The following SLC25A33 variants were observed in gnomAD, a reference collection of about 807,000 sequenced individuals.
SLC25A33 encodes the protein bone marrow stromal cell mitochondrial carrier protein.
SLC25A33 carries 15 observed loss-of-function variants against 35.5 expected under a neutral mutation model. That is an observed-to-expected ratio of 0.42 (90% CI 0.28 to 0.65). SLC25A33 has a LOEUF of 0.65. Among genes scored for constraint, SLC25A33 ranks in the 30% least tolerant of loss-of-function variants. SLC25A33 has a pLI of 0.20. For synonymous variants in SLC25A33, 136 were observed against 148.7 expected (o/e 0.91, Z 0.62); for missense variants, 257 against 398.5 (o/e 0.64, Z 3.02).
chr1:9,564,857 A>G (rs2100395912), intron 2 of SLC25A33, among the ~76,000 whole-genome samples: 1 of 151,024 alleles, frequency 6.6e-6, no homozygotes, highest in South Asian at 2.1e-4. Context: ...TTAGGAGGTG[A>G]AGGTTGCTGT....
chr1:9,579,905 C>G (rs1224944898), intron 5 of SLC25A33, 49 bp from the exon 6 acceptor site: 3 of 1,572,876 alleles, frequency 1.9e-6, no homozygotes, highest in South Asian at 1.2e-5. Flanking sequence ...TGTCTGTGTT[C>G]CACCATGATA....
At chr1:9,549,333 G>A (rs1412868723) in intron 1 of SLC25A33, among the ~76,000 whole-genome samples, 2 of 140,482 alleles carry the variant, frequency 1.4e-5, no homozygotes, top group Non-Finnish European at 3.2e-5. Flanking sequence ...GATCAATGGG[G>A]GGGATGAACT....
chr1:9,573,120 T>C (rs1016229233), intron 4 of SLC25A33, among the ~76,000 whole-genome samples: 1 of 152,144 alleles, frequency 6.6e-6, no homozygotes, highest in Non-Finnish European at 1.5e-5. Context: ...GAAGGGATTC[T>C]AGAAAATTAA....
chr1:9,557,490 G>A (rs1643360687), intron 2 of SLC25A33, among the ~76,000 whole-genome samples: 1 of 152,116 alleles, frequency 6.6e-6, no homozygotes, highest in South Asian at 2.1e-4. Context: ...GCTGAGCCCA[G>A]GAGTTTGAGA....
chr1:9,571,910 G>C (rs1643595811), intron 4 of SLC25A33, among the ~76,000 whole-genome samples: 1 of 152,148 alleles, frequency 6.6e-6, no homozygotes, highest in Non-Finnish European at 1.5e-5. Context: ...TAGAGTGCTG[G>C]GATCGCAGGC....
chr1:9,559,225 A>C (rs1237719045), intron 2 of SLC25A33, among the ~76,000 whole-genome samples: 1 of 152,148 alleles, frequency 6.6e-6, no homozygotes, highest in African/African-American at 2.4e-5. Context: ...AGTGTAGTTT[A>C]CTTATTTCTA....
intron 1 of SLC25A33, among the ~76,000 whole-genome samples, chr1:9,552,910 C>CTTTTTTT (rs58092940): frequency 2.3e-4 from 22 of 94,180 alleles, no homozygotes; most frequent in Non-Finnish European, 4.0e-4. Flanking sequence ...GGGATTTCAA[C>CTTTTTTT]TTTTTTTTTT....
At chr1:9,553,563 C>G in intron 1 of SLC25A33, 63 bp from the exon 2 acceptor site, 1 of 1,570,576 alleles carries the variant, frequency 6.4e-7, no homozygotes, top group Non-Finnish European at 8.7e-7. Context: ...AAAAGCTAAG[C>G]TTAGCATTCC....
At chr1:9,555,110 C>CAT (rs1643320952) in intron 2 of SLC25A33, among the ~76,000 whole-genome samples, 1 of 91,178 alleles carries the variant, frequency 1.1e-5, no homozygotes. Flanking sequence ...GCATTTAGCA[C>CAT]TTTTTTTTTT....
intron 3 of SLC25A33, among the ~76,000 whole-genome samples, chr1:9,568,155 T>G (rs1182238981): frequency 2.0e-5 from 3 of 152,194 alleles, no homozygotes; most frequent in Non-Finnish European, 4.4e-5. Flanking sequence ...TAAAAACTGC[T>G]TCCAGGCCGG....
intron 1 of SLC25A33, among the ~76,000 whole-genome samples, chr1:9,544,837 G>A (rs1643143908): frequency 6.6e-6 from 1 of 152,150 alleles, no homozygotes; most frequent in African/African-American, 2.4e-5. Flanking sequence ...ATGCATGTAT[G>A]CATAGGGAGC....
intron 2 of SLC25A33, chr1:9,556,204 C>T (rs991651686): frequency 1.0e-6 from 1 of 985,286 alleles, no homozygotes; most frequent in African/African-American, 1.7e-5. Context: ...TCCCGGGTGA[C>T]ACCTTTCTTC....
At position 9,553,218 on chromosome 1, in the gene SLC25A33, T is replaced by G. The variant is rs1315120917; in HGVS notation, c.57-408T>G. ...TTCTAGTTTTGTTTTTTTTTTTTTT[T>G]TTTTTTTTTGGGTTTTTTTTTTGTT... is the stretch of plus-strand genomic sequence containing the variant. On this transcript the variant is annotated intron_variant, in intron 1 of 6. Transcript: ENST00000302692. Among the ~76,000 whole-genome samples the G allele has an allele frequency of 1.7e-4, 23 of 138,498 alleles. 1 individual carries two copies. The highest frequency in any genetic ancestry group is 4.7e-4 in the African/African-American group (17 of 36,358). The allele number at this position is 138,498 out of a possible 152,430, so 90.9% of individuals were successfully genotyped here.
At chr1:9,579,413 C>T (rs1018803242) in intron 5 of SLC25A33, among the ~76,000 whole-genome samples, 4 of 151,888 alleles carry the variant, frequency 2.6e-5, no homozygotes, top group African/African-American at 9.7e-5. Flanking sequence ...CCATGACCCT[C>T]TCTTTGGATT....
chr1:9,576,980 G>C (rs1643669177), intron 5 of SLC25A33: 1 of 1,213,524 alleles, frequency 8.2e-7, no homozygotes, highest in African/African-American at 1.5e-5. Context: ...GCAGGCTGAT[G>C]AATAAGATCT....
rs1643781871 is a variant in SLC25A33 at position 9,584,414 on chromosome 1, T to C, written c.*1913T>C. 1 of 152,306 alleles carries C rather than the reference T, an allele frequency of 6.6e-6. No homozygotes were observed. The highest frequency in any genetic ancestry group is 1.5e-5 in the Non-Finnish European group (1 of 68,102). The allele number at this position is 152,306 out of a possible 1,614,324, so 9.4% of individuals were successfully genotyped here. A position where few individuals can be genotyped will look rare whatever the true frequency, so the allele number is the denominator to read the frequency against. ...TCCAGAAGTTTTGTTTTGTTTTGTT[T>C]TGAGATGGAGTCTCGCTCTGTCTCT... On this transcript the variant is annotated 3_prime_UTR_variant, in exon 7 of 7. Coordinates refer to ENST00000302692, the MANE Select transcript of SLC25A33 (RefSeq NM_032315.3).
chr1:9,562,376 C>T (rs897972272), intron 2 of SLC25A33, among the ~76,000 whole-genome samples: 4 of 150,274 alleles, frequency 2.7e-5, no homozygotes, highest in East Asian at 3.9e-4. Flanking sequence ...ATTAGCAGGA[C>T]GTGGTGGCTG....
At chr1:9,557,790 T>C (rs566541339) in intron 2 of SLC25A33, among the ~76,000 whole-genome samples, 4 of 152,210 alleles carry the variant, frequency 2.6e-5, no homozygotes, top group Non-Finnish European at 5.9e-5. Context: ...TTAGCACTTT[T>C]AGGCACAATT....
intron 1 of SLC25A33, among the ~76,000 whole-genome samples, chr1:9,550,299 G>A (rs1344984749): frequency 2.6e-5 from 4 of 151,562 alleles, no homozygotes; most frequent in Non-Finnish European, 5.9e-5. Flanking sequence ...TGTTACTAGG[G>A]CATTTGCTTT....
Sources: allele counts gnomAD v4.1 joint callset (sites outside exome capture counted in the v4.1 genomes callset), GRCh38; gene constraint gnomAD v4.1.1; transcripts MANE v1.5; gene names NCBI Gene and HGNC (gene_info 2026-07-23, HGNC 2026-07-21).